Variants in ADGRB3 observed in about 807,000 individuals in gnomAD.
ADGRB3 encodes brain-specific angiogenesis inhibitor 3.
A neutral mutation model predicts 193.4 loss-of-function variants in ADGRB3; 37 were observed. The ratio of observed to expected loss-of-function variants is 0.19; its 90% CI spans 0.15 to 0.25. The LOEUF is 0.25. Ranked by LOEUF, ADGRB3 falls within the 10% of genes least tolerant of loss-of-function variation. The pLI, the probability that ADGRB3 is intolerant of heterozygous loss-of-function variation, is 1.00. For synonymous variants in ADGRB3, 690 were observed against 644.2 expected (o/e 1.07, Z -1.08); for missense variants, 1,637 against 1,852.9 (o/e 0.88, Z 2.14).
chr6:69,260,993 G>A (rs2127273289), intron 20 of ADGRB3, among the ~76,000 whole-genome samples: 1 of 152,176 alleles, frequency 6.6e-6, no homozygotes, highest in South Asian at 2.1e-4. Flanking sequence ...ATACAATGAA[G>A]AACAAAATTA....
chr6:68,800,867 A>G (rs916685574), intron 3 of ADGRB3, among the ~76,000 whole-genome samples: 3 of 152,198 alleles, frequency 2.0e-5, no homozygotes, highest in African/African-American at 7.2e-5. Flanking sequence ...ACAGAGAAGG[A>G]GAGAAGTCTA....
chr6:68,692,533 C>T (rs1468499918), intron 3 of ADGRB3, among the ~76,000 whole-genome samples: 1 of 151,720 alleles, frequency 6.6e-6, no homozygotes, highest in Non-Finnish European at 1.5e-5. Flanking sequence ...TACACCGTTT[C>T]TTCACCTTGG....
intron 3 of ADGRB3, among the ~76,000 whole-genome samples, chr6:68,654,507 C>G (rs1041311173): frequency 2.0e-5 from 3 of 151,100 alleles, no homozygotes; most frequent in African/African-American, 4.9e-5. Flanking sequence ...CTTTTTTTTT[C>G]TTCTTATGTA....
At chr6:69,010,540 A>G (rs1321997906) in intron 11 of ADGRB3, among the ~76,000 whole-genome samples, 1 of 152,108 alleles carries the variant, frequency 6.6e-6, no homozygotes, top group Non-Finnish European at 1.5e-5. Flanking sequence ...ATACTGTGTT[A>G]AGAATTAACT....
At chr6:68,956,933 C>T (rs1768093279) in intron 8 of ADGRB3, 124 bp downstream of exon 8, 3 of 1,085,466 alleles carry the variant, frequency 2.8e-6, no homozygotes, top group Admixed American at 5.3e-5. Flanking sequence ...TGATAGGTGG[C>T]AATTTACTTG....
chr6:69,015,965 C>T (rs1336785840), intron 12 of ADGRB3, among the ~76,000 whole-genome samples: 1 of 151,864 alleles, frequency 6.6e-6, no homozygotes, highest in Non-Finnish European at 1.5e-5. Flanking sequence ...GATATTTCGT[C>T]ATTACATTGA....
Position 69,210,153 on chromosome 6 carries a change from T to TATATATATATATA in ADGRB3, c.2481-23136_2481-23124dup, listed in dbSNP as rs1554170400. On this transcript the variant is annotated intron_variant, in intron 17 of 31. Transcript: ENST00000370598. The stretch of plus-strand genomic sequence containing the variant: ...ATATCATATATTAATATATATCATA[T>TATATATATATATA]ATATATATATATATATAAAGGGGAG... 2.8e-4 allele frequency among the ~76,000 whole-genome samples: 32 copies of TATATATATATATA among 115,758 alleles called. 3 individuals are homozygous for TATATATATATATA. Among genetic ancestry groups the TATATATATATATA allele is most frequent in the Non-Finnish European group, 5.4e-4 (31 of 57,310 alleles). 75.9% of individuals were successfully genotyped at this position (115,758 alleles called of 152,430 possible). A position where few individuals can be genotyped will look rare whatever the true frequency, so the allele number is the denominator to read the frequency against.
intron 3 of ADGRB3, among the ~76,000 whole-genome samples, chr6:68,745,070 C>A (rs1766057435): frequency 6.6e-6 from 1 of 152,062 alleles, no homozygotes; most frequent in South Asian, 2.1e-4. Context: ...AATCACTATG[C>A]TCCAGCAATC....
intron 13 of ADGRB3, among the ~76,000 whole-genome samples, chr6:69,037,380 A>G (rs982110248): frequency 6.6e-6 from 1 of 152,218 alleles, no homozygotes. Flanking sequence ...TCACATCATA[A>G]TTGCAGAGTT....
intron 17 of ADGRB3, among the ~76,000 whole-genome samples, chr6:69,154,142 C>T (rs1380778993): frequency 2.5e-5 from 2 of 79,580 alleles, no homozygotes; most frequent in African/African-American, 7.9e-5. Context: ...TATATATGCA[C>T]TTCCTCTGCC....
At chr6:69,304,099 A>C (rs3799085) in intron 20 of ADGRB3, among the ~76,000 whole-genome samples, 1 of 149,652 alleles carries the variant, frequency 6.7e-6, no homozygotes, top group Non-Finnish European at 1.5e-5. Flanking sequence ...GGTTTTTTTT[A>C]AAAAAAAGAG....
At chr6:68,911,893 T>C (rs987520014) in intron 3 of ADGRB3, among the ~76,000 whole-genome samples, 2 of 151,648 alleles carry the variant, frequency 1.3e-5, no homozygotes, top group Non-Finnish European at 1.5e-5. Flanking sequence ...TTTTTTTTAA[T>C]GTCTGGAAGG....
In ADGRB3 at chr6:69,361,085, A is replaced by T; in HGVS notation, c.3812A>T (p.Lys1271Ile). The T allele has an allele frequency of 6.2e-7, 1 of 1,612,866 alleles. No homozygotes were observed. Among genetic ancestry groups the T allele is most frequent in the South Asian group, 1.1e-5 (1 of 91,054 alleles). The change falls in exon 29 of 32, where the codon AAA (lysine) becomes ATA (isoleucine). Residue 1271 changes from lysine to isoleucine, a missense_variant. Lys to Ile is a moderately radical substitution (Grantham distance 102). Transcript: ENST00000370598. ...AATGAGCTTAGCAATCCATGTTTGA[A>T]AAAAGAAAATAGTGAATTGCGGAGA... Reference protein sequence around the residue: ...SMNELSNPCLKKENSELRRTV... With the variant: ...SMNELSNPCLIKENSELRRTV...
chr6:69,043,308 G>GAAAGAAAGAAAGAAAGAAAGAAAGA, intron 13 of ADGRB3, among the ~76,000 whole-genome samples: 1 of 149,168 alleles, frequency 6.7e-6, no homozygotes, highest in East Asian at 1.9e-4. Flanking sequence ...AAGAAAGAAA[G>GAAAGAAAGAAAGAAAGAAAGAAAGA]AAAGAAAGAA....
intron 26 of ADGRB3, among the ~76,000 whole-genome samples, chr6:69,350,070 T>C (rs913805780): frequency 6.6e-6 from 1 of 152,134 alleles, no homozygotes; most frequent in Non-Finnish European, 1.5e-5. Flanking sequence ...TGAATCCCTC[T>C]CCTGGTTCAG....
intron 3 of ADGRB3, among the ~76,000 whole-genome samples, chr6:68,745,248 G>A (rs1766061213): frequency 6.6e-6 from 1 of 152,122 alleles, no homozygotes; most frequent in Admixed American, 6.6e-5. Context: ...TACATACAAT[G>A]GAATATTTTT....
rs539863758 is a variant in ADGRB3, at chr6:68,940,387, C to T, written c.1031-3443C>T. ...CCTTTACTCATTAGATGCCAGTAGC[C>T]CCCCGCTTTCCCCCAAGTTGTGACA... On this transcript the variant is annotated intron_variant, in intron 5 of 31. Transcript: ENST00000370598. Among the ~76,000 whole-genome samples, 26 of 151,624 alleles carry T rather than the reference C, an allele frequency of 1.7e-4. No homozygotes were observed. The South Asian group carries it at 2.1e-3, about 12-fold the overall frequency.
At chr6:69,040,788 A>G (rs1236000199) in intron 13 of ADGRB3, among the ~76,000 whole-genome samples, 1 of 151,776 alleles carries the variant, frequency 6.6e-6, no homozygotes, top group Non-Finnish European at 1.5e-5. Context: ...GGAATATGCA[A>G]AATAGCTAAG....
chr6:69,318,388 C>T (rs1768364799), intron 20 of ADGRB3, among the ~76,000 whole-genome samples: 2 of 151,274 alleles, frequency 1.3e-5, no homozygotes, highest in Admixed American at 1.3e-4. Flanking sequence ...ATGGGGAGGT[C>T]ATTTTTGATG....
Sources: allele counts gnomAD v4.1 joint callset (sites outside exome capture counted in the v4.1 genomes callset), GRCh38; gene constraint gnomAD v4.1.1; transcripts MANE v1.5; gene names NCBI Gene and HGNC (gene_info 2026-07-23, HGNC 2026-07-21).